C2CD5: variants seen among roughly 807,000 people sequenced by gnomAD.
C2CD5 encodes C2 domain-containing protein 5.
A neutral mutation model predicts 130.3 loss-of-function variants in C2CD5; 109 were observed. The ratio of observed to expected loss-of-function variants is 0.84; its 90% CI spans 0.72 to 0.98. The LOEUF (loss-of-function observed/expected upper bound fraction) is 0.98. C2CD5 is among the 50% of genes least tolerant of loss of function. The pLI, the probability that C2CD5 is intolerant of heterozygous loss-of-function variation, is 0.00. For missense variants in C2CD5, 996 were observed against 1,261.8 expected, an observed-to-expected ratio of 0.79 and a Z score of 3.19; for synonymous variants, 454 against 429.2, an observed-to-expected ratio of 1.06 and a Z score of -0.71.
chr12:22,521,740 T>G (rs1251126888), intron 7 of C2CD5, among the ~76,000 whole-genome samples: 1 of 152,168 alleles, frequency 6.6e-6, no homozygotes, highest in African/African-American at 2.4e-5. Flanking sequence ...CAAATAAAAT[T>G]AAGCAGTATG....
chr12:22,510,254 T>C (rs999684622), intron 9 of C2CD5, among the ~76,000 whole-genome samples: 10 of 151,968 alleles, frequency 6.6e-5, no homozygotes, highest in Non-Finnish European at 1.3e-4. Context: ...CACAAGCACA[T>C]CCCGCTTTCA....
intron 25 of C2CD5, among the ~76,000 whole-genome samples, chr12:22,454,721 C>T (rs1269751838): frequency 6.6e-6 from 1 of 152,100 alleles, no homozygotes; most frequent in Non-Finnish European, 1.5e-5. Context: ...ATATTACTTA[C>T]TCTCCCTAGT....
chr12:22,512,508 TAAAA>T, intron 9 of C2CD5: 3 of 527,000 alleles, frequency 5.7e-6, no homozygotes, highest in Non-Finnish European at 9.6e-6. Context: ...TGCTATTAAA[TAAAA>T]AAAAAACTTT....
At position 22,459,386 on chromosome 12, in the gene C2CD5, T is replaced by C. The variant is rs1041688043; in HGVS notation, c.2584+106A>G. 32 of 579,964 alleles carry C rather than the reference T, an allele frequency of 5.5e-5. 1 individual carries two copies. The Admixed American group carries it at 9.7e-4, about 18-fold the overall frequency. The allele number at this position is 579,964 out of a possible 1,614,324, so 35.9% of individuals were successfully genotyped here. A position where few individuals can be genotyped will look rare whatever the true frequency, so the allele number is the denominator to read the frequency against. ...AAAAAAAAAGCCAGATTTTGGTGTC[T>C]ATTCCATATTGTCCAGTGCATTTTC... On this transcript the variant is annotated intron_variant, in intron 23 of 26. Coordinates refer to ENST00000446597, the MANE Select transcript of C2CD5 (RefSeq NM_001286176.2).
rs34990025 is a variant in C2CD5, at chr12:22,481,649, CTTTTTTTTTTTT to C, written c.1737+896_1737+907del. On this transcript the variant is annotated intron_variant, in intron 14 of 26. Transcript: ENST00000446597. ...TTTCATCGGCACTTAAGAAACACAC[CTTTTTTTTTTTT>C]TTTTTTTTTTTGAGACAGAGCCTCA... Among the ~76,000 whole-genome samples, 127 of 116,434 alleles carry C rather than the reference CTTTTTTTTTTTT, an allele frequency of 1.1e-3. 1 individual carries two copies. The highest frequency in any genetic ancestry group is 1.8e-3 in the Non-Finnish European group (101 of 56,532). The allele number at this position is 116,434 out of a possible 152,430, so 76.4% of individuals were successfully genotyped here.
intron 26 of C2CD5, among the ~76,000 whole-genome samples, chr12:22,452,427 C>T (rs1938860724): frequency 6.6e-6 from 1 of 152,052 alleles, no homozygotes; most frequent in Admixed American, 6.6e-5. Context: ...CCCCTTTTGA[C>T]CACTCCACAC....
At chr12:22,523,742 C>T in intron 6 of C2CD5, 118 bp from the exon 7 acceptor site, 2 of 734,994 alleles carry the variant, frequency 2.7e-6, no homozygotes, top group Non-Finnish European at 4.5e-6. Context: ...ATTTTCAGAA[C>T]TTGAAGGAAA....
intron 23 of C2CD5, 29 bp from the exon 24 acceptor site, chr12:22,458,614 A>C: frequency 9.9e-7 from 1 of 1,010,846 alleles, no homozygotes; most frequent in South Asian, 4.2e-5. Context: ...AACAAAAGAA[A>C]AAAACAAAGA....
At position 22,493,343 on chromosome 12, in the gene C2CD5, A is replaced by C; in HGVS notation, c.1148-6T>G. The C allele has an allele frequency of 6.4e-7, 1 of 1,553,348 alleles. No individual in the cohort carries two copies. Among genetic ancestry groups the C allele is most frequent in the South Asian group, 1.1e-5 (1 of 89,492 alleles). On this transcript the variant is annotated splice_polypyrimidine_tract_variant and splice_region_variant and intron_variant, in intron 10 of 26. Transcript: ENST00000446597. The stretch of plus-strand genomic sequence containing the variant: ...ATCTCGAGTTTCTGGTTCATCTGAA[A>C]AATAAATTTTAAATCAGTTTATTAC...
intron 26 of C2CD5, among the ~76,000 whole-genome samples, chr12:22,453,160 T>G (rs962843737): frequency 6.6e-6 from 1 of 152,162 alleles, no homozygotes; most frequent in African/African-American, 2.4e-5. Flanking sequence ...TCTTAAGCTC[T>G]GTGTCTGCCA....
At chr12:22,472,398 T>G (rs768579011) in intron 17 of C2CD5, 51 bp from the exon 18 acceptor site, 11 of 953,582 alleles carry the variant, frequency 1.2e-5, no homozygotes, top group Non-Finnish European at 1.6e-5. Context: ...CATTGATTTT[T>G]GTGTTAAATG....
intron 9 of C2CD5, among the ~76,000 whole-genome samples, chr12:22,512,385 A>G (rs1240830811): frequency 1.3e-5 from 2 of 152,196 alleles, no homozygotes; most frequent in African/African-American, 4.8e-5. Flanking sequence ...AAATGCTTAT[A>G]GCTTCCAAAT....
At chr12:22,534,451 G>T (rs759680356) in intron 3 of C2CD5, among the ~76,000 whole-genome samples, 44 of 152,108 alleles carry the variant, frequency 2.9e-4, no homozygotes, top group Non-Finnish European at 4.6e-4. Context: ...CCTATTGAAT[G>T]AGTGAAAATA....
At chr12:22,478,865 A>G (rs540064235) in intron 14 of C2CD5, among the ~76,000 whole-genome samples, 5 of 111,962 alleles carry the variant, frequency 4.5e-5, no homozygotes, top group South Asian at 2.4e-4. Flanking sequence ...AAAAAAAGGG[A>G]AAAAAAAACA....
chr12:22,538,407 TGG>T (rs1441157965), intron 2 of C2CD5, among the ~76,000 whole-genome samples: 4 of 152,172 alleles, frequency 2.6e-5, no homozygotes, highest in Non-Finnish European at 4.4e-5. Context: ...TAAGCAGATT[TGG>T]GAATAAACAC....
chr12:22,525,916 AAT>A (rs1363167908), intron 4 of C2CD5, among the ~76,000 whole-genome samples: 37 of 152,314 alleles, frequency 2.4e-4, no homozygotes, highest in Admixed American at 1.2e-3. Context: ...TTATTTAAAA[AAT>A]AGTCTTTGTT....
chr12:22,544,015 G>C, intron 2 of C2CD5, 46 bp downstream of exon 2: 1 of 1,441,146 alleles, frequency 6.9e-7, no homozygotes, highest in Non-Finnish European at 9.8e-7. Flanking sequence ...ATCCTTCACA[G>C]GGCTTGGCGC....
At chr12:22,450,628 C>A (rs1938375736) in intron 26 of C2CD5, among the ~76,000 whole-genome samples, 1 of 151,836 alleles carries the variant, frequency 6.6e-6, no homozygotes, top group African/African-American at 2.4e-5. Context: ...TGCAAAATAT[C>A]TCAATGAAGG....
intron 9 of C2CD5, among the ~76,000 whole-genome samples, chr12:22,510,615 A>G (rs1052579545): frequency 6.6e-6 from 1 of 152,166 alleles, no homozygotes; most frequent in African/African-American, 2.4e-5. Context: ...TTATTGTACA[A>G]TTTTACTCCC....
Sources: gnomAD v4.1 joint callset for allele counts (sites outside exome capture counted in the v4.1 genomes callset) on GRCh38, gnomAD v4.1.1 for gene constraint, MANE v1.5 for transcripts, NCBI Gene and HGNC (gene_info 2026-07-23, HGNC 2026-07-21) for gene names.